The following HTR7 variants were observed in gnomAD, a reference collection of about 807,000 sequenced individuals.
HTR7 encodes 5-hydroxytryptamine receptor 7.
Under a neutral mutation model 34.0 loss-of-function variants are expected in HTR7, and 16 were observed. The observed-to-expected ratio is 0.47, with a 90% CI of 0.32 to 0.71. The LOEUF (loss-of-function observed/expected upper bound fraction) is 0.71. Among genes scored for constraint, HTR7 ranks in the 30% least tolerant of loss-of-function variants. The pLI is 0.04. For synonymous variants in HTR7, 265 were observed against 260.2 expected, an observed-to-expected ratio of 1.02 and a Z score of -0.18; for missense variants, 504 against 625.5, an observed-to-expected ratio of 0.81 and a Z score of 2.07.
chr10:90,812,355 C>T (rs1392370817), intron 1 of HTR7, among the ~76,000 whole-genome samples: 1 of 152,172 alleles, frequency 6.6e-6, no homozygotes, highest in South Asian at 2.1e-4. Context: ...GCCATCACAG[C>T]TGATATCTCC....
At chr10:90,784,895 C>G (rs1361806892) in intron 1 of HTR7, among the ~76,000 whole-genome samples, 1 of 152,218 alleles carries the variant, frequency 6.6e-6, no homozygotes, top group African/African-American at 2.4e-5. Context: ...TTGTCAACCA[C>G]TCTGGAAAAG....
chr10:90,813,451 G>A (rs1480027423), intron 1 of HTR7, among the ~76,000 whole-genome samples: 1 of 152,032 alleles, frequency 6.6e-6, no homozygotes, highest in African/African-American at 2.4e-5. Flanking sequence ...GAACGCGGGT[G>A]GCAGAGGTTG....
Position 90,857,041 on chromosome 10 carries a change from T to C in HTR7, c.539+92A>G. On this transcript the variant is annotated intron_variant, in intron 1 of 3. Coordinates refer to ENST00000336152, the MANE Select transcript of HTR7 (RefSeq NM_019859.4). The surrounding 1 kb of genome is among the most constrained non-coding windows in gnomAD (Gnocchi z 6.5). ...CAGCCCTTCATCCCGCCTTGAAGTC[T>C]AGCTTGATCCTCCCAGGAAAGGCGA... 8.2e-7 allele frequency: 1 copy of C among 1,219,716 alleles called. No individual in the cohort carries two copies. The highest frequency in any genetic ancestry group is 1.1e-6 in the Non-Finnish European group (1 of 886,028). The allele number at this position is 1,219,716 out of a possible 1,614,324, so 75.6% of individuals were successfully genotyped here. A position where few individuals can be genotyped will look rare whatever the true frequency, so the allele number is the denominator to read the frequency against.
At chr10:90,847,140 T>C (rs1846423645) in intron 1 of HTR7, among the ~76,000 whole-genome samples, 3 of 152,188 alleles carry the variant, frequency 2.0e-5, no homozygotes, top group Admixed American at 2.0e-4. Flanking sequence ...ATACAAACTG[T>C]ATGTCCTTGT....
rs541436045 is a variant in HTR7, at chr10:90,832,234, T to C, written c.539+24899A>G. Among the ~76,000 whole-genome samples the C allele has an allele frequency of 4.6e-5, 7 of 152,240 alleles. 1 individual carries two copies. The highest frequency in any genetic ancestry group is 3.4e-3 in the Middle Eastern group (1 of 294). On this transcript the variant is annotated intron_variant, in intron 1 of 3. Transcript: ENST00000336152. ...GGCGCCGTGGAGCAGGGGGTGGCAC[T>C]CGTCGGAGAGGCTCAGGCAGTGCAG...
intron 1 of HTR7, among the ~76,000 whole-genome samples, chr10:90,825,085 T>A (rs562183922): frequency 1.1e-3 from 174 of 152,350 alleles, no homozygotes; most frequent in African/African-American, 3.9e-3. Flanking sequence ...GGGCTACTTA[T>A]ATAACCCCTT....
intron 2 of HTR7, among the ~76,000 whole-genome samples, chr10:90,745,893 C>A (rs1844626053): frequency 1.3e-5 from 2 of 152,316 alleles, no homozygotes; most frequent in East Asian, 1.9e-4. Flanking sequence ...TGGCCCTTCA[C>A]AGTTAAAGTT....
chr10:90,790,296 A>G (rs1402503433), intron 1 of HTR7, among the ~76,000 whole-genome samples: 2 of 152,182 alleles, frequency 1.3e-5, no homozygotes, highest in Non-Finnish European at 2.9e-5. Flanking sequence ...CTGCCTGGTT[A>G]ACTTTGCTTT....
At chr10:90,819,316 G>A (rs1160620429) in intron 1 of HTR7, among the ~76,000 whole-genome samples, 1 of 151,996 alleles carries the variant, frequency 6.6e-6, no homozygotes, top group Non-Finnish European at 1.5e-5. Flanking sequence ...TACTGAAGCT[G>A]CTAAACAATA....
chr10:90,836,337 T>C (rs1346700833), intron 1 of HTR7, among the ~76,000 whole-genome samples: 1 of 152,096 alleles, frequency 6.6e-6, no homozygotes, highest in African/African-American at 2.4e-5. Context: ...CCCATTCAAA[T>C]AACTCCTTAA....
chr10:90,748,014 A>T (rs1291738983), intron 2 of HTR7, among the ~76,000 whole-genome samples: 1 of 152,130 alleles, frequency 6.6e-6, no homozygotes, highest in Non-Finnish European at 1.5e-5. Flanking sequence ...TCACCATCAG[A>T]TCCTTTTTCA....
chr10:90,835,155 A>G (rs1846235430), intron 1 of HTR7, among the ~76,000 whole-genome samples: 2 of 152,172 alleles, frequency 1.3e-5, no homozygotes, highest in African/African-American at 4.8e-5. Flanking sequence ...GTATATTTGA[A>G]ATCACTATAG....
At chr10:90,744,384 G>A (rs2119660615) in intron 2 of HTR7, among the ~76,000 whole-genome samples, 1 of 151,640 alleles carries the variant, frequency 6.6e-6, no homozygotes, top group South Asian at 2.1e-4. Flanking sequence ...GGAAAAACAA[G>A]CCAATGAAGA....
At chr10:90,784,322 C>T (rs977267099) in intron 1 of HTR7, among the ~76,000 whole-genome samples, 1 of 152,200 alleles carries the variant, frequency 6.6e-6, no homozygotes, top group African/African-American at 2.4e-5. Flanking sequence ...TGCCTATCCT[C>T]TTAGCCTAGG....
At chr10:90,774,547 GT>G (rs11284280) in intron 1 of HTR7, among the ~76,000 whole-genome samples, 95,495 of 151,958 alleles carry the variant, frequency 0.63, 31,537 homozygotes, top group African/African-American at 0.86. Context: ...CAGATATATA[GT>G]TACTTTGCTG....
chr10:90,857,733 G>C lies in HTR7; in HGVS notation c.-62C>G. 7.2e-7 allele frequency: 1 copy of C among 1,396,320 alleles called. No individual in the cohort carries two copies. Among genetic ancestry groups the C allele is most frequent in the South Asian group, 1.6e-5 (1 of 63,396 alleles). 86.5% of individuals were successfully genotyped at this position (1,396,320 alleles called of 1,614,324 possible). A position where few individuals can be genotyped will look rare whatever the true frequency, so the allele number is the denominator to read the frequency against. ...CCCGGCCACGCGCCTCCGGCTGCCG[G>C]CCCCGGGGCTTCACCTCACCGGTTC... On this transcript the variant is annotated 5_prime_UTR_variant, in exon 1 of 4. Transcript: ENST00000336152. The surrounding 1 kb of genome is among the most constrained non-coding windows in gnomAD (Gnocchi z 6.5).
At position 90,857,100 on chromosome 10, in the gene HTR7, C is replaced by G; in HGVS notation, c.539+33G>C. The G allele has an allele frequency of 6.7e-7, 1 of 1,500,516 alleles. No individual in the cohort carries two copies. Among genetic ancestry groups the G allele is most frequent in the Non-Finnish European group, 8.9e-7 (1 of 1,119,514 alleles). The allele number at this position is 1,500,516 out of a possible 1,614,324, so 93.0% of individuals were successfully genotyped here. On this transcript the variant is annotated intron_variant, in intron 1 of 3. Transcript: ENST00000336152. This position sits in a 1 kb window ranked among gnomAD's most constrained non-coding sequence, Gnocchi z 6.5. ...GGCTGAGCTGCCAGCCGGTCCCCAG[C>G]CGGAGCCTGGGACGGGGCGGTCCGG...
intron 1 of HTR7, among the ~76,000 whole-genome samples, chr10:90,801,765 C>G (rs1845630555): frequency 6.6e-6 from 1 of 152,162 alleles, no homozygotes. Flanking sequence ...GTAAGAAATT[C>G]TTATCAGTGA....
chr10:90,759,427 A>G (rs7922531), intron 1 of HTR7, among the ~76,000 whole-genome samples: 92,656 of 150,298 alleles, frequency 0.62, 30,359 homozygotes, highest in African/African-American at 0.86. Flanking sequence ...AGGCCGAGGC[A>G]GGTGGATCAT....
Sources: allele counts gnomAD v4.1 joint callset (sites outside exome capture counted in the v4.1 genomes callset), GRCh38; gene constraint gnomAD v4.1.1; non-coding constraint Gnocchi (gnomAD v3.1); transcripts MANE v1.5; gene names NCBI Gene and HGNC (gene_info 2026-07-23, HGNC 2026-07-21).